Variants in CHRM3 observed in about 807,000 individuals in gnomAD.
CHRM3 encodes muscarinic acetylcholine receptor M3.
A neutral mutation model predicts 41.8 loss-of-function variants in CHRM3; 11 were observed. That is an observed-to-expected ratio of 0.26 (90% confidence interval 0.17 to 0.44). The LOEUF is 0.44. Among genes scored for constraint, CHRM3 ranks in the 20% least tolerant of loss-of-function variants. The pLI, the probability that CHRM3 is intolerant of heterozygous loss-of-function variation, is 1.00. For synonymous variants in CHRM3, 297 were observed against 301.4 expected (o/e 0.99, Z 0.15); for missense variants, 571 against 745.4 (o/e 0.77, Z 2.72).
At chr1:239,556,135 A>C (rs1426926833) in intron 3 of CHRM3, among the ~76,000 whole-genome samples, 2 of 152,042 alleles carry the variant, frequency 1.3e-5, no homozygotes, top group African/African-American at 4.8e-5. Flanking sequence ...CTTTAAAAAT[A>C]TTTTCTTTTC....
intron 5 of CHRM3, among the ~76,000 whole-genome samples, chr1:239,691,324 T>C (rs947016732): frequency 3.9e-5 from 6 of 152,156 alleles, no homozygotes; most frequent in Middle Eastern, 3.2e-3. Context: ...GTGAGAGTAA[T>C]TTTTACAAAT....
chr1:239,768,291 A>G (rs72758756), intron 5 of CHRM3, among the ~76,000 whole-genome samples: 3,587 of 152,292 alleles, frequency 0.024, 58 homozygotes, highest in Non-Finnish European at 0.037. Context: ...AACTCCATCA[A>G]TCTAACTATT....
intron 5 of CHRM3, among the ~76,000 whole-genome samples, chr1:239,695,683 C>A (rs1260089779): frequency 4.0e-5 from 6 of 151,708 alleles, no homozygotes; most frequent in Admixed American, 3.9e-4. Flanking sequence ...ACTGATTTTT[C>A]CCTCAGAGTA....
chr1:239,896,425 C>T lies in CHRM3; in HGVS notation c.-19-11008C>T, dbSNP rs545662575. Among the ~76,000 whole-genome samples, 5 of 152,300 alleles carry T rather than the reference C, an allele frequency of 3.3e-5. 1 individual carries two copies. The highest frequency in any genetic ancestry group is 2.9e-5 in the Non-Finnish European group (2 of 68,024). ...ACATCCCCAGTCTAAGCCTTGTAGG[C>T]AGTACTCAAACACATTTACTGTGTG... On this transcript the variant is annotated intron_variant, in intron 6 of 6. Coordinates refer to ENST00000676153, the MANE Select transcript of CHRM3 (RefSeq NM_001375978.1).
At chr1:239,515,816 T>C (rs1275919159) in intron 2 of CHRM3, among the ~76,000 whole-genome samples, 1 of 152,184 alleles carries the variant, frequency 6.6e-6, no homozygotes, top group Non-Finnish European at 1.5e-5. Context: ...TAAACTACCC[T>C]TAGTTAAAAG....
chr1:239,674,822 T>A (rs539172751), intron 4 of CHRM3, among the ~76,000 whole-genome samples: 2 of 151,764 alleles, frequency 1.3e-5, no homozygotes, highest in South Asian at 4.1e-4. Context: ...CTCACAAAAA[T>A]AATTTTTTCA....
chr1:239,591,410 T>A (rs1664134998), intron 3 of CHRM3, among the ~76,000 whole-genome samples: 1 of 152,214 alleles, frequency 6.6e-6, no homozygotes, highest in Admixed American at 6.5e-5. Context: ...TACTTCATTG[T>A]CTTGCCTATA....
rs955611789 is a variant in CHRM3, at chr1:239,911,387, G to T, written c.*2163G>T. 1.2e-5 allele frequency: 2 copies of T among 167,014 alleles called. No homozygotes were observed. The highest frequency in any genetic ancestry group is 4.8e-5 in the African/African-American group (2 of 41,528). 10.3% of individuals were successfully genotyped at this position (167,014 alleles called of 1,614,324 possible). ...ACAGAATGTCATATTATCCACCTGT[G>T]AAACATCTAGTAAGCAATTGCATCT... On this transcript the variant is annotated 3_prime_UTR_variant, in exon 7 of 7. Coordinates refer to ENST00000676153, the MANE Select transcript of CHRM3 (RefSeq NM_001375978.1).
At chr1:239,652,224 A>G (rs562096456) in intron 4 of CHRM3, among the ~76,000 whole-genome samples, 1 of 151,874 alleles carries the variant, frequency 6.6e-6, no homozygotes, top group South Asian at 2.1e-4. Flanking sequence ...GTGTCCTGCA[A>G]CTCCCTAGCC....
chr1:239,476,572 C>CA (rs1262898367), intron 1 of CHRM3, among the ~76,000 whole-genome samples: 1 of 151,806 alleles, frequency 6.6e-6, no homozygotes, highest in Non-Finnish European at 1.5e-5. Context: ...GAAATCTGTG[C>CA]AAAAATCCCC....
At chr1:239,720,535 C>A (rs1572092893) in intron 5 of CHRM3, among the ~76,000 whole-genome samples, 1 of 151,950 alleles carries the variant, frequency 6.6e-6, no homozygotes, top group Admixed American at 6.6e-5. Context: ...AGCAAGTGAA[C>A]AGAAAGCTAA....
chr1:239,761,455 A>T (rs1372191061), intron 5 of CHRM3, among the ~76,000 whole-genome samples: 1 of 152,100 alleles, frequency 6.6e-6, no homozygotes, highest in Non-Finnish European at 1.5e-5. Context: ...TTGATACCAG[A>T]TATTTTGAGT....
At chr1:239,496,471 T>A (rs986288815) in intron 2 of CHRM3, among the ~76,000 whole-genome samples, 1 of 151,840 alleles carries the variant, frequency 6.6e-6, no homozygotes, top group Non-Finnish European at 1.5e-5. Context: ...ATCATCTACC[T>A]ATTTATACAG....
chr1:239,839,480 G>A (rs551334876), intron 6 of CHRM3, among the ~76,000 whole-genome samples: 15 of 152,250 alleles, frequency 9.9e-5, no homozygotes, highest in Non-Finnish European at 1.6e-4. Flanking sequence ...TAGTAACTTC[G>A]AGTCATACAG....
intron 5 of CHRM3, among the ~76,000 whole-genome samples, chr1:239,776,415 G>A (rs1290530187): frequency 2.0e-5 from 3 of 152,138 alleles, no homozygotes; most frequent in Non-Finnish European, 4.4e-5. Context: ...TGGTCCCAGT[G>A]ATTACATAGA....
chr1:239,522,387 C>A (rs2148274106), intron 2 of CHRM3, among the ~76,000 whole-genome samples: 1 of 152,328 alleles, frequency 6.6e-6, no homozygotes, highest in Admixed American at 6.5e-5. Flanking sequence ...CAGAGTCCCA[C>A]CCAATCCCTT....
chr1:239,661,649 A>C (rs181577876), intron 4 of CHRM3, among the ~76,000 whole-genome samples: 4 of 152,316 alleles, frequency 2.6e-5, no homozygotes, highest in African/African-American at 7.2e-5. Flanking sequence ...GGTTGCCAAG[A>C]GTTAGCGTAG....
At chr1:239,807,787 G>C (rs900761093) in intron 5 of CHRM3, among the ~76,000 whole-genome samples, 4 of 151,446 alleles carry the variant, frequency 2.6e-5, no homozygotes, top group African/African-American at 9.7e-5. Context: ...AAGAAACTGA[G>C]AGTACATGTA....
chr1:239,733,913 T>C lies in CHRM3; in HGVS notation c.-147+55625T>C, dbSNP rs1046214334. Among the ~76,000 whole-genome samples the C allele has an allele frequency of 1.3e-4, 20 of 152,254 alleles. No individual in the cohort carries two copies. In the Middle Eastern group the frequency reaches 0.01, roughly 78 times the overall value. Reference sequence around the variant, plus strand: ...TTTTATGCTTCTTAATGTAACATATTAAACTTGATTCTAGATGTTGTGAAT... The same window carrying C: ...TTTTATGCTTCTTAATGTAACATATCAAACTTGATTCTAGATGTTGTGAAT... On this transcript the variant is annotated intron_variant, in intron 5 of 6. Coordinates refer to ENST00000676153, the MANE Select transcript of CHRM3 (RefSeq NM_001375978.1).
Sources: allele counts gnomAD v4.1 joint callset (sites outside exome capture counted in the v4.1 genomes callset), GRCh38; gene constraint gnomAD v4.1.1; transcripts MANE v1.5; gene names NCBI Gene and HGNC (gene_info 2026-07-23, HGNC 2026-07-21).